PRSS53: variants seen among roughly 807,000 people sequenced by gnomAD.
PRSS53 encodes the protein serine protease 53.
A neutral mutation model predicts 62.7 loss-of-function variants in PRSS53; 54 were observed. The observed-to-expected ratio is 0.86, with a 90% confidence interval of 0.69 to 1.08. PRSS53 has a LOEUF of 1.08. PRSS53 is among the 50% of genes least tolerant of loss of function. The pLI, the probability that PRSS53 is intolerant of heterozygous loss-of-function variation, is 0.00. For missense variants in PRSS53, 688 were observed against 728.3 expected (o/e 0.94, Z 0.64); for synonymous variants, 273 against 300.0 (o/e 0.91, Z 0.93).
chr16:31,088,280 G>A, intron 1 of PRSS53: 1 of 1,133,800 alleles, frequency 8.8e-7, no homozygotes, highest in African/African-American at 1.6e-5. Context: ...CCCTGGTCTA[G>A]AGACTCAGTC....
rs571044281 is a variant in PRSS53, at chr16:31,084,798, G to A, written c.1261C>T (p.Arg421Trp). ...CACCTACCTGCTCCTGGGCGGGCCC[G>A]TCCCAGAACCCAGCCACGCTCCCCA... is the stretch of plus-strand genomic sequence containing the variant. Residue 421 changes from arginine (R) to tryptophan (W), a missense_variant, in exon 8 of 11, where the codon CGG becomes TGG. Physicochemically the swap from Arg to Trp is moderately radical, Grantham distance 101. Coordinates refer to ENST00000280606, the Ensembl canonical transcript of PRSS53. The A allele has an allele frequency of 2.9e-5, 45 of 1,548,042 alleles. No homozygotes were observed. Among genetic ancestry groups the A allele is most frequent in the Admixed American group, 3.8e-5 (2 of 52,904 alleles).
exon 10 of PRSS53, chr16:31,084,282 G>A (rs373874079): frequency 9.7e-5 from 157 of 1,612,898 alleles, no homozygotes; most frequent in African/African-American, 9.5e-4. Flanking sequence ...TGTGCAGCCC[G>A]GCCAGGAACC....
intron 10 of PRSS53, 141 bp from the exon 11 acceptor site, chr16:31,083,950 C>G: frequency 7.9e-6 from 12 of 1,519,198 alleles, no homozygotes; most frequent in Non-Finnish European, 1.1e-5. Context: ...GGTTGAGCAG[C>G]CTGCTCCAAG....
At chr16:31,086,153 C>T (rs375149743) in exon 6 of PRSS53, 6 of 1,612,312 alleles carry the variant, frequency 3.7e-6, no homozygotes, top group South Asian at 2.2e-5. Context: ...CCGTCAGGCT[C>T]GAGGCACAGC....
Position 31,087,676 on chromosome 16 carries a change from G to A in PRSS53, c.103C>T (p.Pro35Ser), listed in dbSNP as rs753646889. The A allele has an allele frequency of 3.7e-6, 6 of 1,612,032 alleles. No homozygotes were observed. In the South Asian group the frequency reaches 6.6e-5, roughly 18 times the overall value. The change falls in exon 3 of 11, where the codon CCC (proline) becomes TCC (serine). Residue 35 changes from proline to serine, a missense_variant. Coordinates refer to ENST00000280606, the Ensembl canonical transcript of PRSS53. ...GTGTTGCCCTCCTGAGGCTTGGGGGGGCCGGGGCCACGCTGTCCACAGGCT... is the reference window on the plus strand; with the variant it reads ...GTGTTGCCCTCCTGAGGCTTGGGGGAGCCGGGGCCACGCTGTCCACAGGCT...
intron 6 of PRSS53, 97 bp downstream of exon 6, chr16:31,085,867 A>T: frequency 8.9e-7 from 1 of 1,122,168 alleles, no homozygotes; most frequent in Non-Finnish European, 1.3e-6. Flanking sequence ...CCCCCTAATT[A>T]GGCTCGGCGG....
chr16:31,085,001 C>T, exon 8 of PRSS53: 1 of 1,586,740 alleles, frequency 6.3e-7, no homozygotes, highest in South Asian at 1.2e-5. Flanking sequence ...CAGCCCTACG[C>T]TCCATTCCTC....
Position 31,088,152 on chromosome 16 carries a change from G to A in PRSS53, c.59-326C>T, listed in dbSNP as rs1379124817. 4 of 1,316,456 alleles carry A rather than the reference G, an allele frequency of 3.0e-6. No homozygotes were observed. The South Asian group carries it at 4.7e-5, about 15-fold the overall frequency. 81.5% of individuals were successfully genotyped at this position (1,316,456 alleles called of 1,614,324 possible). ...CGCCACTGAGTCAGCCAGGCGGCCT[G>A]TGTGTGTAGAGAGCATTAGCTTAAT... is the stretch of plus-strand genomic sequence containing the variant. On this transcript the variant is annotated intron_variant, in intron 1 of 10. Transcript: ENST00000280606.
intron 2 of PRSS53, 29 bp downstream of exon 2, chr16:31,087,777 G>A: frequency 6.2e-7 from 1 of 1,614,112 alleles, no homozygotes; most frequent in Non-Finnish European, 8.5e-7. Context: ...ACCCAAGTAA[G>A]ACCTAGGCCC....
intron 10 of PRSS53, 117 bp from the exon 11 acceptor site, chr16:31,083,926 CTGAG>C (rs1216902073): frequency 5.9e-6 from 9 of 1,537,336 alleles, no homozygotes; most frequent in African/African-American, 1.4e-5. Context: ...GATGAGAATA[CTGAG>C]GCTCAAAGCG....
exon 10 of PRSS53, chr16:31,084,200 C>T (rs1286838977): frequency 1.2e-6 from 2 of 1,610,914 alleles, no homozygotes; most frequent in Non-Finnish European, 1.7e-6. Flanking sequence ...AAACTGCTGA[C>T]CCAGTCCTCA....
chr16:31,087,745 C>T, intron 2 of PRSS53, 46 bp from the exon 3 acceptor site: 2 of 1,614,140 alleles, frequency 1.2e-6, no homozygotes, highest in Non-Finnish European at 1.7e-6. Flanking sequence ...CCTGTCCTGA[C>T]CTCACCCCAG....
chr16:31,086,872 C>T lies in PRSS53; in HGVS notation c.269G>A (p.Trp90Ter), dbSNP rs1370049442. 2 of 1,603,190 alleles carry T rather than the reference C, an allele frequency of 1.2e-6. No homozygotes were observed. The highest frequency in any genetic ancestry group is 4.5e-5 in the East Asian group (2 of 44,776). Residue 90 changes from tryptophan to a stop codon, truncating the protein, a stop_gained, in exon 4 of 11, where the codon TGG becomes TAG. Transcript: ENST00000280606. LOFTEE classifies it high-confidence loss of function. Reference sequence around the variant, plus strand: ...CTGCAGAGAACCCAGGACCACTGACCAGGAATTCAGTTCTGTTGCTGCTGC... The same window carrying T: ...CTGCAGAGAACCCAGGACCACTGACTAGGAATTCAGTTCTGTTGCTGCTGC...
chr16:31,085,073 G>A, intron 7 of PRSS53, 37 bp downstream of exon 7: 1 of 1,612,410 alleles, frequency 6.2e-7, no homozygotes, highest in Non-Finnish European at 8.5e-7. Flanking sequence ...CTGCCGGCAG[G>A]GGCAGGGGGC....
At chr16:31,085,667 G>A (rs555946739) in intron 6 of PRSS53, among the ~76,000 whole-genome samples, 20 of 152,246 alleles carry the variant, frequency 1.3e-4, no homozygotes, top group African/African-American at 4.8e-4. Context: ...ACTTAATGCC[G>A]GAATTCTGAC....
At chr16:31,087,460 A>G in intron 3 of PRSS53, 77 bp downstream of exon 3, 2 of 1,077,446 alleles carry the variant, frequency 1.9e-6, no homozygotes, top group South Asian at 1.4e-5. Flanking sequence ...AGAGGCAGGG[A>G]CTAGCCTTGT....
chr16:31,086,218 T>C, intron 5 of PRSS53, 35 bp from the exon 6 acceptor site: 1 of 1,596,518 alleles, frequency 6.3e-7, no homozygotes. Flanking sequence ...GACAGATGCC[T>C]GAGCCCAGCT....
At position 31,087,746 on chromosome 16, in the gene PRSS53, C is replaced by T. The variant is rs1175423116; in HGVS notation, c.80-47G>A. ...ACTGACAGCAGATACCTGTCCTGAC[C>T]TCACCCCAGTCCCAACCCAGACCCA... On this transcript the variant is annotated intron_variant, in intron 2 of 10. Transcript: ENST00000280606. 3.7e-6 allele frequency: 6 copies of T among 1,614,004 alleles called. No individual in the cohort carries two copies. The Admixed American group carries it at 6.7e-5, about 18-fold the overall frequency.
At chr16:31,086,924 G>T in intron 3 of PRSS53, 26 bp from the exon 4 acceptor site, 1 of 1,566,208 alleles carries the variant, frequency 6.4e-7, no homozygotes, top group East Asian at 2.3e-5. Context: ...CAAGGTCCAG[G>T]CTGCTGAGTG....
Sources: gnomAD v4.1 joint callset for allele counts (sites outside exome capture counted in the v4.1 genomes callset) on GRCh38, gnomAD v4.1.1 for gene constraint, MANE v1.5 for transcripts, NCBI Gene and HGNC (gene_info 2026-07-23, HGNC 2026-07-21) for gene names.